The following LHPP variants were observed in gnomAD, a reference collection of about 807,000 sequenced individuals.
LHPP encodes phospholysine phosphohistidine inorganic pyrophosphate phosphatase.
In LHPP, 24 loss-of-function variants were observed where a neutral mutation model predicts 30.3. The observed-to-expected ratio is 0.79, with a 90% CI of 0.57 to 1.11. The LOEUF is 1.11. Among genes scored for constraint, LHPP ranks in the 50% most tolerant of loss-of-function variants. The probability of loss-of-function intolerance (pLI) is 0.00; values close to 1 mark genes in which losing one functional copy is unlikely to be tolerated. For missense variants in LHPP, 356 were observed against 367.2 expected, an observed-to-expected ratio of 0.97 and a Z score of 0.25; for synonymous variants, 150 against 157.1, an observed-to-expected ratio of 0.95 and a Z score of 0.34.
At chr10:124,516,304 C>A (rs963062338) in intron 5 of LHPP, among the ~76,000 whole-genome samples, 1 of 152,224 alleles carries the variant, frequency 6.6e-6, no homozygotes. Flanking sequence ...AGTGCCTCTT[C>A]CTCTGGTAAG....
chr10:124,487,372 G>A (rs1953365104), intron 2 of LHPP, among the ~76,000 whole-genome samples: 1 of 151,852 alleles, frequency 6.6e-6, no homozygotes, highest in South Asian at 2.1e-4. Context: ...GGTGTTATCA[G>A]TCTTTTTAAT....
chr10:124,602,842 G>A (rs894618675), intron 6 of LHPP, among the ~76,000 whole-genome samples: 1 of 152,260 alleles, frequency 6.6e-6, no homozygotes, highest in Non-Finnish European at 1.5e-5. Context: ...ATCCAAGGCC[G>A]AGGGGCAGGA....
chr10:124,530,193 C>T (rs1954858465), intron 6 of LHPP, among the ~76,000 whole-genome samples: 1 of 152,180 alleles, frequency 6.6e-6, no homozygotes, highest in Non-Finnish European at 1.5e-5. Context: ...GCCCACCTGG[C>T]ATCCTGCCTG....
Position 124,478,953 on chromosome 10 carries a change from C to T in LHPP, c.126-5186C>T, listed in dbSNP as rs1329429844. On this transcript the variant is annotated intron_variant, in intron 1 of 6. Transcript: ENST00000368842. This position sits in a 1 kb window ranked among gnomAD's most constrained non-coding sequence, Gnocchi z 4.7. ...GCATGGTGGTGGGCACCTGTAATCC[C>T]AGCTACTCGGGAGACTGAGGCAGGA... 6.6e-6 allele frequency among the ~76,000 whole-genome samples: 1 copy of T among 152,002 alleles called. No individual in the cohort carries two copies. Among genetic ancestry groups the T allele is most frequent in the Admixed American group, 6.6e-5 (1 of 15,240 alleles).
At position 124,593,970 on chromosome 10, in the gene LHPP, T is replaced by C. The variant is rs1948911940; in HGVS notation, c.717-19294T>C. Among the ~76,000 whole-genome samples the C allele has an allele frequency of 6.6e-6, 1 of 152,206 alleles. No homozygotes were observed. Among genetic ancestry groups the C allele is most frequent in the Non-Finnish European group, 1.5e-5 (1 of 68,040 alleles). ...GCTGGGCTGCAGAATACCCTTGACC[T>C]TTCAGCATCCTCAGTACCTCTGTGG... On this transcript the variant is annotated intron_variant, in intron 6 of 6. Transcript: ENST00000368842. This position sits in a 1 kb window ranked among gnomAD's most constrained non-coding sequence, Gnocchi z 4.9.
chr10:124,516,688 T>A (rs1205464069), intron 5 of LHPP, among the ~76,000 whole-genome samples: 1 of 152,240 alleles, frequency 6.6e-6, no homozygotes, highest in Non-Finnish European at 1.5e-5. Flanking sequence ...TCTGTGTGTG[T>A]GTGAATTTTG....
In LHPP at chr10:124,566,009, G is replaced by A. The variant is rs149183952; in HGVS notation, c.717-47255G>A. ...CCTTTGCCGAGGTGGGCCTGGAGCC[G>A]TCGCCGTACCCCTGGGTGGCCCGCA... is the stretch of plus-strand genomic sequence containing the variant. On this transcript the variant is annotated intron_variant, in intron 6 of 6. Coordinates refer to ENST00000368842, the MANE Select transcript of LHPP (RefSeq NM_022126.4). Among the ~76,000 whole-genome samples the A allele has an allele frequency of 1.4e-4, 21 of 152,358 alleles. No homozygotes were observed. In the South Asian group the frequency reaches 1.9e-3, roughly 14 times the overall value.
chr10:124,540,136 G>A (rs1467676775), intron 6 of LHPP, among the ~76,000 whole-genome samples: 1 of 152,208 alleles, frequency 6.6e-6, no homozygotes, highest in Non-Finnish European at 1.5e-5. Context: ...TGGCCCAGCC[G>A]TTCATGCAGC....
chr10:124,512,548 C>T (rs896271929), intron 5 of LHPP, among the ~76,000 whole-genome samples: 6 of 135,220 alleles, frequency 4.4e-5, no homozygotes, highest in African/African-American at 8.3e-5. Context: ...ACCTGGGAGG[C>T]GGAGCTTGCA....
At chr10:124,588,298 CT>C (rs55633265) in intron 6 of LHPP, among the ~76,000 whole-genome samples, 20 of 146,870 alleles carry the variant, frequency 1.4e-4, no homozygotes, top group Admixed American at 2.7e-4. Flanking sequence ...TTTTTCTCTT[CT>C]TTTTTTTTTT....
chr10:124,539,145 G>A (rs1955112692), intron 6 of LHPP, among the ~76,000 whole-genome samples: 1 of 152,146 alleles, frequency 6.6e-6, no homozygotes, highest in Non-Finnish European at 1.5e-5. Context: ...AGTTTTTCCT[G>A]TGGCTCGTCT....
At chr10:124,474,989 C>T (rs937129804) in intron 1 of LHPP, among the ~76,000 whole-genome samples, 20 of 146,604 alleles carry the variant, frequency 1.4e-4, no homozygotes, top group Admixed American at 2.7e-4. Context: ...CAATTACTGC[C>T]ATTTATTTAG....
intron 3 of LHPP, among the ~76,000 whole-genome samples, chr10:124,492,218 G>A (rs1447299855): frequency 5.9e-5 from 9 of 152,320 alleles, no homozygotes; most frequent in Admixed American, 1.3e-4. Flanking sequence ...ACTTCTTCAC[G>A]CTGTGTCTCT....
chr10:124,522,433 T>C (rs1226509821), intron 6 of LHPP, among the ~76,000 whole-genome samples: 1 of 152,086 alleles, frequency 6.6e-6, no homozygotes, highest in Non-Finnish European at 1.5e-5. Context: ...TGGCAAATCC[T>C]CATGATGCCA....
intron 5 of LHPP, among the ~76,000 whole-genome samples, chr10:124,509,575 A>T (rs1564799893): frequency 2.0e-5 from 3 of 150,274 alleles, no homozygotes; most frequent in East Asian, 2.0e-4. Context: ...TTTTTTTTTT[A>T]AAGTGGTCTT....
rs74427243 is a variant in LHPP, at chr10:124,495,815, A to C, written c.468-1146A>C. 9.3e-3 allele frequency among the ~76,000 whole-genome samples: 1,409 copies of C among 152,310 alleles called. 20 individuals carry two copies. Among genetic ancestry groups the C allele is most frequent in the African/African-American group, 0.032 (1,339 of 41,556 alleles). ...GCTTCTGCATGGAAGGTACCGAGTT[A>C]ATAACTTTGCATGCGTTATTTTGTT... On this transcript the variant is annotated intron_variant, in intron 3 of 6. Transcript: ENST00000368842.
chr10:124,500,916 G>GA (rs1953879017), intron 5 of LHPP, among the ~76,000 whole-genome samples: 1 of 151,900 alleles, frequency 6.6e-6, no homozygotes, highest in Non-Finnish European at 1.5e-5. Context: ...CAGAAGAACT[G>GA]AAACACGTGT....
intron 6 of LHPP, among the ~76,000 whole-genome samples, chr10:124,535,951 G>T (rs1373886817): frequency 6.6e-6 from 1 of 152,270 alleles, no homozygotes; most frequent in East Asian, 1.9e-4. Context: ...CCCTAATTCA[G>T]CCAGAGAAGC....
intron 6 of LHPP, among the ~76,000 whole-genome samples, chr10:124,575,250 C>A (rs1164367860): frequency 2.0e-5 from 3 of 152,078 alleles, no homozygotes; most frequent in Non-Finnish European, 4.4e-5. Flanking sequence ...CCCTGGTGTG[C>A]TGAGAAGGGC....
Sources: gnomAD v4.1 joint callset for allele counts (sites outside exome capture counted in the v4.1 genomes callset) on GRCh38, gnomAD v4.1.1 for gene constraint, Gnocchi (gnomAD v3.1) non-coding constraint, MANE v1.5 for transcripts, NCBI Gene and HGNC (gene_info 2026-07-23, HGNC 2026-07-21) for gene names.